INPP5A: variants seen among roughly 807,000 people sequenced by gnomAD.
INPP5A encodes the protein inositol polyphosphate-5-phosphatase A, also known as 43 kDa inositol polyphosphate 5-phophatase.
In INPP5A, 14 loss-of-function variants were observed where a neutral mutation model predicts 65.2. The ratio of observed to expected loss-of-function variants is 0.21; its 90% CI spans 0.14 to 0.34. INPP5A has a LOEUF of 0.34. Ranked by LOEUF, INPP5A falls within the 10% of genes least tolerant of loss-of-function variation. The pLI is 1.00. For missense variants in INPP5A, 431 were observed against 545.6 expected (o/e 0.79, Z 2.09); for synonymous variants, 207 against 208.3 (o/e 0.99, Z 0.05).
chr10:132,677,229 T>A (rs770288941), intron 4 of INPP5A, among the ~76,000 whole-genome samples: 8 of 152,226 alleles, frequency 5.3e-5, no homozygotes, highest in South Asian at 2.1e-4. Flanking sequence ...CCAGAGCCCA[T>A]CCCAGCTCAC....
chr10:132,755,156 T>A (rs1261692252), intron 11 of INPP5A, among the ~76,000 whole-genome samples: 1 of 151,992 alleles, frequency 6.6e-6, no homozygotes, highest in Non-Finnish European at 1.5e-5. Flanking sequence ...AGCAAGCATA[T>A]GCATATGAGC....
intron 4 of INPP5A, among the ~76,000 whole-genome samples, chr10:132,686,474 C>A (rs1564964353): frequency 6.6e-6 from 1 of 152,244 alleles, no homozygotes; most frequent in Non-Finnish European, 1.5e-5. Flanking sequence ...CTGGGGACTT[C>A]CTGTCGGCAG....
Position 132,627,236 on chromosome 10 carries a change from CTG to C in INPP5A, c.118-18629_118-18628del, listed in dbSNP as rs1180177455. 6.6e-6 allele frequency among the ~76,000 whole-genome samples: 1 copy of C among 152,224 alleles called. No individual in the cohort carries two copies. The highest frequency in any genetic ancestry group is 2.4e-5 in the African/African-American group (1 of 41,462). On this transcript the variant is annotated intron_variant, in intron 2 of 15. Coordinates refer to ENST00000368594, the MANE Select transcript of INPP5A (RefSeq NM_005539.5). The surrounding 1 kb of genome is among the most constrained non-coding windows in gnomAD (Gnocchi z 6.6). ...ACGTGTCTCGTTTAGGCTCTCTGGT[CTG>C]TGGCATTTTGTGATGGAGCCTCTGC...
Position 132,637,214 on chromosome 10 carries a change from G to A in INPP5A, c.118-8654G>A, listed in dbSNP as rs2072366341. Among the ~76,000 whole-genome samples the A allele has an allele frequency of 6.6e-6, 1 of 152,158 alleles. No individual in the cohort carries two copies. Among genetic ancestry groups the A allele is most frequent in the Non-Finnish European group, 1.5e-5 (1 of 68,032 alleles). ...GTGGGATTACAGGCGTGAGCCACCT[G>A]TTGTTTAATTGATCTTTTTTACCTG... On this transcript the variant is annotated intron_variant, in intron 2 of 15. Coordinates refer to ENST00000368594, the MANE Select transcript of INPP5A (RefSeq NM_005539.5). The surrounding 1 kb of genome is among the most constrained non-coding windows in gnomAD (Gnocchi z 4.1).
At chr10:132,701,581 C>T (rs959916446) in intron 6 of INPP5A, among the ~76,000 whole-genome samples, 5 of 152,258 alleles carry the variant, frequency 3.3e-5, no homozygotes, top group East Asian at 1.9e-4. Flanking sequence ...GGCCCCAGGA[C>T]GCCCGTCTCT....
chr10:132,631,474 C>T (rs947872879), intron 2 of INPP5A, among the ~76,000 whole-genome samples: 1 of 152,256 alleles, frequency 6.6e-6, no homozygotes, highest in South Asian at 2.1e-4. Flanking sequence ...CTTTTTCTAT[C>T]AAGAAATTCC....
Position 132,667,548 on chromosome 10 carries a change from C to T in INPP5A, c.306+17043C>T, listed in dbSNP as rs567067595. On this transcript the variant is annotated intron_variant, in intron 4 of 15. Transcript: ENST00000368594. ...TGAAGCCTCCAGTGGCCCTGCACAG[C>T]GGGGCTGAAGAGGCCCAGACAGCTT... is the stretch of plus-strand genomic sequence containing the variant. Among the ~76,000 whole-genome samples, 15 of 152,300 alleles carry T rather than the reference C, an allele frequency of 9.8e-5. No individual in the cohort carries two copies. The East Asian group carries it at 1.4e-3, about 14-fold the overall frequency.
At chr10:132,778,821 CTG>C (rs1169060488) in intron 13 of INPP5A, among the ~76,000 whole-genome samples, 1 of 152,234 alleles carries the variant, frequency 6.6e-6, no homozygotes, top group Non-Finnish European at 1.5e-5. Context: ...CCATCTGTGT[CTG>C]TGCCAGACGG....
intron 2 of INPP5A, among the ~76,000 whole-genome samples, chr10:132,613,699 A>G (rs78031294): frequency 0.023 from 3,542 of 152,284 alleles, 50 homozygotes; most frequent in South Asian, 0.039. Context: ...TTCTTAGGCT[A>G]TCAGCCAGTT....
chr10:132,676,853 C>G lies in INPP5A; in HGVS notation c.307-13539C>G, dbSNP rs2072970944. The stretch of plus-strand genomic sequence containing the variant: ...CCAGTGCTTGACCCTGCCCTTTTCT[C>G]TGGCTCCAGCTCCTCCTTGGCAAGC... On this transcript the variant is annotated intron_variant, in intron 4 of 15. Coordinates refer to ENST00000368594, the MANE Select transcript of INPP5A (RefSeq NM_005539.5). This position sits in a 1 kb window ranked among gnomAD's most constrained non-coding sequence, Gnocchi z 4.0. 6.6e-6 allele frequency among the ~76,000 whole-genome samples: 1 copy of G among 152,222 alleles called. No individual in the cohort carries two copies. Among genetic ancestry groups the G allele is most frequent in the Non-Finnish European group, 1.5e-5 (1 of 68,040 alleles).
chr10:132,753,780 GTC>G lies in INPP5A; in HGVS notation c.903+3939_903+3940del, dbSNP rs1490320559. 3.3e-5 allele frequency: 5 copies of G among 152,284 alleles called. No homozygotes were observed. Among genetic ancestry groups the G allele is most frequent in the Admixed American group, 2.6e-4 (4 of 15,298 alleles). The allele number at this position is 152,284 out of a possible 1,614,324, so 9.4% of individuals were successfully genotyped here. On this transcript the variant is annotated intron_variant, in intron 11 of 15. Coordinates refer to ENST00000368594, the MANE Select transcript of INPP5A (RefSeq NM_005539.5). This position sits in a 1 kb window ranked among gnomAD's most constrained non-coding sequence, Gnocchi z 5.3. ...GCCTCTTTCCTTTATCAGCGCCAGTGTCTCTGCAGGAGTGGCGTGAGCGGCGG... is the reference window on the plus strand; with the variant it reads ...GCCTCTTTCCTTTATCAGCGCCAGTGTCTGCAGGAGTGGCGTGAGCGGCGG...
intron 2 of INPP5A, among the ~76,000 whole-genome samples, chr10:132,622,219 G>GA (rs2072119609): frequency 6.6e-6 from 1 of 152,234 alleles, no homozygotes; most frequent in Admixed American, 6.5e-5. Flanking sequence ...ACTGATGAAA[G>GA]AATCAGAGAA....
chr10:132,558,508 G>T (rs572897092), intron 1 of INPP5A, among the ~76,000 whole-genome samples: 4 of 152,344 alleles, frequency 2.6e-5, no homozygotes, highest in South Asian at 2.1e-4. Flanking sequence ...CCCTCTGGGG[G>T]CGGGTGGTCC....
intron 4 of INPP5A, among the ~76,000 whole-genome samples, chr10:132,682,016 C>G (rs1240200137): frequency 6.6e-6 from 1 of 152,180 alleles, no homozygotes; most frequent in East Asian, 1.9e-4. Context: ...AGTACAGTGC[C>G]TGGTTGCCAG....
chr10:132,744,915 G>A (rs143706387), intron 9 of INPP5A, among the ~76,000 whole-genome samples: 8 of 152,312 alleles, frequency 5.3e-5, no homozygotes, highest in African/African-American at 7.2e-5. Flanking sequence ...CACAGACCAC[G>A]GCACCGTTGT....
chr10:132,775,455 C>T (rs1191153411), intron 12 of INPP5A, among the ~76,000 whole-genome samples: 2 of 152,124 alleles, frequency 1.3e-5, no homozygotes, highest in South Asian at 2.1e-4. Context: ...CCGCCAGCAC[C>T]TCCCACCTGT....
intron 2 of INPP5A, among the ~76,000 whole-genome samples, chr10:132,612,645 C>T (rs1219749437): frequency 6.6e-6 from 1 of 152,142 alleles, no homozygotes; most frequent in African/African-American, 2.4e-5. Flanking sequence ...GGGACAGTGG[C>T]GCTGGCTGGA....
chr10:132,609,280 C>T (rs928194048), intron 2 of INPP5A, among the ~76,000 whole-genome samples: 1 of 152,240 alleles, frequency 6.6e-6, no homozygotes, highest in Non-Finnish European at 1.5e-5. Flanking sequence ...CTGCTCAGCG[C>T]TCACTTGGAG....
chr10:132,736,376 T>C (rs1253346875), intron 9 of INPP5A, among the ~76,000 whole-genome samples: 1 of 152,206 alleles, frequency 6.6e-6, no homozygotes, highest in Non-Finnish European at 1.5e-5. Flanking sequence ...GGATGCGTCT[T>C]TGGAGGCTGG....
Sources: allele counts gnomAD v4.1 joint callset (sites outside exome capture counted in the v4.1 genomes callset), GRCh38; gene constraint gnomAD v4.1.1; non-coding constraint Gnocchi (gnomAD v3.1); transcripts MANE v1.5; gene names NCBI Gene and HGNC (gene_info 2026-07-23, HGNC 2026-07-21).